PODXL: variants seen among roughly 807,000 people sequenced by gnomAD.
PODXL encodes the protein podocalyxin like.
In PODXL, 20 loss-of-function variants were observed where a neutral mutation model predicts 48.9. The ratio of observed to expected loss-of-function variants is 0.41; its 90% CI spans 0.29 to 0.59. The LOEUF (loss-of-function observed/expected upper bound fraction) is 0.59, where lower values mean the gene tolerates loss of function less well. PODXL is among the 20% of genes least tolerant of loss of function. The pLI, the probability that PODXL is intolerant of heterozygous loss-of-function variation, is 0.31. For synonymous variants in PODXL, 295 were observed against 287.4 expected, an observed-to-expected ratio of 1.03 and a Z score of -0.27; for missense variants, 606 against 675.1, an observed-to-expected ratio of 0.90 and a Z score of 1.13.
In PODXL at chr7:131,510,967, G is replaced by A; in HGVS notation, c.567C>T (p.Pro189=). The A allele has an allele frequency of 6.2e-7, 1 of 1,614,146 alleles. No homozygotes were observed. Among genetic ancestry groups the A allele is most frequent in the Middle Eastern group, 1.6e-4 (1 of 6,062 alleles). The change falls in exon 2 of 9, where the codon CCC becomes CCT. Residue 189 remains proline, a synonymous_variant. Transcript: ENST00000378555. ...CAGGATGCGTCGAAGTGGGTTGTCG[G>A]GGGCTAAGTGGACTTGTAGGGTGAG... ...TTPHPTSPLS[P]RQPTSTHPVA...
At chr7:131,537,889 C>T (rs370090268) in intron 1 of PODXL, among the ~76,000 whole-genome samples, 1 of 152,158 alleles carries the variant, frequency 6.6e-6, no homozygotes, top group Non-Finnish European at 1.5e-5. Flanking sequence ...TCGTGGTGTG[C>T]GGTCGCAGAC....
intron 1 of PODXL, among the ~76,000 whole-genome samples, chr7:131,534,314 C>G (rs1329574190): frequency 1.3e-5 from 2 of 152,204 alleles, no homozygotes; most frequent in Admixed American, 6.5e-5. Flanking sequence ...GGAAAGGAAA[C>G]CCAGGCCTGG....
rs367989792 is a variant in PODXL at position 131,510,866 on chromosome 7, C to T, written c.668G>A (p.Gly223Asp). 4.3e-6 allele frequency: 7 copies of T among 1,613,958 alleles called. No individual in the cohort carries two copies. Among genetic ancestry groups the T allele is most frequent in the Non-Finnish European group, 5.9e-6 (7 of 1,180,032 alleles). ...SSSSSTVAIP[G>D]YTFTSPGMTT... ...CATCCCCGGGCTTGTGAAGGTGTAG[C>T]CAGGGATAGCCACAGTGCTTGAACT... Residue 223 changes from glycine (G) to aspartate (D), a missense_variant, in exon 2 of 9, where the codon GGC (glycine) becomes GAC (aspartate). Gly to Asp is a moderately conservative substitution (Grantham distance 94). Coordinates refer to ENST00000378555, the MANE Select transcript of PODXL (RefSeq NM_001018111.3).
intron 1 of PODXL, among the ~76,000 whole-genome samples, chr7:131,530,536 G>A (rs568445832): frequency 6.6e-6 from 1 of 152,000 alleles, no homozygotes; most frequent in Non-Finnish European, 1.5e-5. Flanking sequence ...CTTGAGCCCA[G>A]GAGTTTGAGA....
At chr7:131,547,329 C>T (rs892916895) in intron 1 of PODXL, among the ~76,000 whole-genome samples, 22 of 134,174 alleles carry the variant, frequency 1.6e-4, no homozygotes, top group African/African-American at 2.9e-4. Flanking sequence ...CCCAAGATTG[C>T]GCCATTGCAC....
Position 131,504,128 on chromosome 7 carries a change from A to G in PODXL, c.*183T>C, listed in dbSNP as rs1056322112. On this transcript the variant is annotated 3_prime_UTR_variant, in exon 9 of 9. Coordinates refer to ENST00000378555, the MANE Select transcript of PODXL (RefSeq NM_001018111.3). ...ACTAGTGGGTTATTTTACAAGAGGA[A>G]TCTGGACAGAATGTGATTTGTTCAG... 1 of 601,184 alleles carries G rather than the reference A, an allele frequency of 1.7e-6. No individual in the cohort carries two copies. The highest frequency in any genetic ancestry group is 3.0e-6 in the Non-Finnish European group (1 of 337,992). 37.2% of individuals were successfully genotyped at this position (601,184 alleles called of 1,614,324 possible). A position where few individuals can be genotyped will look rare whatever the true frequency, so the allele number is the denominator to read the frequency against.
At chr7:131,540,957 T>C (rs1184750518) in intron 1 of PODXL, among the ~76,000 whole-genome samples, 1 of 152,194 alleles carries the variant, frequency 6.6e-6, no homozygotes, top group Non-Finnish European at 1.5e-5. Context: ...TTCCGTCTGG[T>C]GGACACTGAA....
At chr7:131,517,473 A>T (rs1798018615) in intron 1 of PODXL, among the ~76,000 whole-genome samples, 1 of 152,216 alleles carries the variant, frequency 6.6e-6, no homozygotes, top group Non-Finnish European at 1.5e-5. Flanking sequence ...CGATGTTTTC[A>T]CAGACTCAGC....
At chr7:131,544,879 G>A (rs186916547) in intron 1 of PODXL, among the ~76,000 whole-genome samples, 1 of 152,354 alleles carries the variant, frequency 6.6e-6, no homozygotes, top group East Asian at 1.9e-4. Context: ...GAAGGTGGAT[G>A]AGACCCATGC....
rs145576532 is a variant in PODXL, at chr7:131,531,080, C to T, written c.101-19647G>A. Among the ~76,000 whole-genome samples, 478 of 152,164 alleles carry T rather than the reference C, an allele frequency of 3.1e-3. 3 individuals are homozygous for T. The highest frequency in any genetic ancestry group is 0.011 in the African/African-American group (446 of 41,526). On this transcript the variant is annotated intron_variant, in intron 1 of 8. Coordinates refer to ENST00000378555, the MANE Select transcript of PODXL (RefSeq NM_001018111.3). ...TCTCAAAAAAAAAATTAAGTCAGTA[C>T]GCTTAATTCCCTGCCCCAGCGGTCT...
intron 1 of PODXL, among the ~76,000 whole-genome samples, chr7:131,515,393 A>C (rs1797977409): frequency 1.3e-5 from 2 of 152,200 alleles, no homozygotes; most frequent in South Asian, 4.1e-4. Flanking sequence ...CTTATGTGAA[A>C]ATAGGACCTA....
In PODXL at chr7:131,556,580, G is replaced by A. The variant is rs1437428379; in HGVS notation, c.-221C>T. The A allele has an allele frequency of 4.8e-6, 2 of 416,984 alleles. No individual in the cohort carries two copies. Among genetic ancestry groups the A allele is most frequent in the South Asian group, 1.1e-4 (1 of 9,146 alleles). 25.8% of individuals were successfully genotyped at this position (416,984 alleles called of 1,614,324 possible). A position where few individuals can be genotyped will look rare whatever the true frequency, so the allele number is the denominator to read the frequency against. ...CAGAGCCAGTGGCAGAGGAGCGGCG[G>A]CGGCGGCGGCTGCGTCCTGGGCGGC... is the stretch of plus-strand genomic sequence containing the variant. On this transcript the variant is annotated 5_prime_UTR_variant, in exon 1 of 9. Coordinates refer to ENST00000378555, the MANE Select transcript of PODXL (RefSeq NM_001018111.3).
chr7:131,528,434 C>G (rs1798222065), intron 1 of PODXL, among the ~76,000 whole-genome samples: 1 of 152,170 alleles, frequency 6.6e-6, no homozygotes. Context: ...TCTCAATCTT[C>G]AGCAAGCGTC....
At chr7:131,550,423 G>C (rs964346510) in intron 1 of PODXL, among the ~76,000 whole-genome samples, 2 of 152,166 alleles carry the variant, frequency 1.3e-5, no homozygotes, top group Non-Finnish European at 2.9e-5. Context: ...GGGAGGCTGA[G>C]GTGGGCAGAT....
At position 131,504,503 on chromosome 7, in the gene PODXL, C is replaced by A; in HGVS notation, c.1485G>T (p.Arg495=). ...QRLSQRKDQQ[R]LTEELQTVEN... is the part of the protein sequence containing the mutation. ...CCACTGTCTGCAGCTCCTCTGTTAG[C>A]CGCTGCTAGAGTGGGGAAGGTGACC... Residue 495 remains arginine, a synonymous_variant, in exon 9 of 9, where the codon CGG becomes CGT. Coordinates refer to ENST00000378555, the MANE Select transcript of PODXL (RefSeq NM_001018111.3). 2 of 1,614,082 alleles carry A rather than the reference C, an allele frequency of 1.2e-6. No homozygotes were observed. The highest frequency in any genetic ancestry group is 1.1e-5 in the South Asian group (1 of 91,082).
intron 1 of PODXL, among the ~76,000 whole-genome samples, chr7:131,521,932 C>T (rs1304444700): frequency 6.6e-6 from 1 of 152,202 alleles, no homozygotes; most frequent in Non-Finnish European, 1.5e-5. Flanking sequence ...GCGGAAACCT[C>T]CCGCAGCCAG....
intron 1 of PODXL, among the ~76,000 whole-genome samples, chr7:131,526,633 G>A (rs1798189865): frequency 6.6e-6 from 1 of 150,760 alleles, no homozygotes; most frequent in Middle Eastern, 3.4e-3. Flanking sequence ...GTGGTAGCAA[G>A]AATATGAAGT....
chr7:131,519,655 A>G (rs565228139), intron 1 of PODXL, among the ~76,000 whole-genome samples: 1 of 152,322 alleles, frequency 6.6e-6, no homozygotes, highest in South Asian at 2.1e-4. Context: ...AAAAATAGTA[A>G]TAGTTATTTA....
chr7:131,551,829 C>T (rs931419159), intron 1 of PODXL, among the ~76,000 whole-genome samples: 1 of 151,226 alleles, frequency 6.6e-6, no homozygotes, highest in Non-Finnish European at 1.5e-5. Context: ...CCTAGCTATT[C>T]GGGAGGCTGA....
Sources: allele counts gnomAD v4.1 joint callset (sites outside exome capture counted in the v4.1 genomes callset), GRCh38; gene constraint gnomAD v4.1.1; transcripts MANE v1.5; gene names NCBI Gene and HGNC (gene_info 2026-07-23, HGNC 2026-07-21).